EIF4G3: variants seen among roughly 807,000 people sequenced by gnomAD.
EIF4G3 encodes the protein eIF-4-gamma 3.
EIF4G3 carries 34 observed loss-of-function variants against 186.4 expected under a neutral mutation model. That is an observed-to-expected ratio of 0.18 (90% CI 0.14 to 0.24). The LOEUF is 0.24. Among genes scored for constraint, EIF4G3 ranks in the 10% least tolerant of loss-of-function variants. The pLI, the probability that EIF4G3 is intolerant of heterozygous loss-of-function variation, is 1.00. For synonymous variants in EIF4G3, 673 were observed against 679.5 expected, an observed-to-expected ratio of 0.99 and a Z score of 0.15; for missense variants, 1,536 against 1,948.5, an observed-to-expected ratio of 0.79 and a Z score of 3.99.
At chr1:21,067,722 T>C (rs1036899815) in intron 3 of EIF4G3, among the ~76,000 whole-genome samples, 2 of 152,084 alleles carry the variant, frequency 1.3e-5, no homozygotes, top group Non-Finnish European at 2.9e-5. Context: ...TATTTCCAAA[T>C]CCTAGGAATC....
intron 28 of EIF4G3, among the ~76,000 whole-genome samples, chr1:20,849,880 C>T (rs2072696788): frequency 6.6e-6 from 1 of 152,150 alleles, no homozygotes. Context: ...TAAGCTTGAG[C>T]CACACTGATC....
At chr1:21,130,216 C>CTTTTTTTTTT (rs71014159) in intron 2 of EIF4G3, among the ~76,000 whole-genome samples, 1 of 75,346 alleles carries the variant, frequency 1.3e-5, no homozygotes, top group African/African-American at 5.3e-5. Context: ...GACCCCATCT[C>CTTTTTTTTTT]TTTTTTTTTT....
chr1:21,102,727 T>C (rs1389926193), intron 2 of EIF4G3, among the ~76,000 whole-genome samples: 2 of 152,224 alleles, frequency 1.3e-5, no homozygotes, highest in African/African-American at 4.8e-5. Context: ...GTATTCTTTA[T>C]AGTCATCAAT....
intron 3 of EIF4G3, among the ~76,000 whole-genome samples, chr1:21,078,613 C>A (rs2095661664): frequency 6.6e-6 from 1 of 152,218 alleles, no homozygotes; most frequent in African/African-American, 2.4e-5. Flanking sequence ...ATGTTTCTAA[C>A]ACAAAAGATA....
At chr1:20,891,339 G>A (rs904622300) in intron 18 of EIF4G3, among the ~76,000 whole-genome samples, 1 of 151,990 alleles carries the variant, frequency 6.6e-6, no homozygotes, top group African/African-American at 2.4e-5. Flanking sequence ...AACCACAGAT[G>A]CTATTATCCA....
chr1:20,839,831 A>G (rs1436014221), intron 30 of EIF4G3, among the ~76,000 whole-genome samples: 1 of 148,756 alleles, frequency 6.7e-6, no homozygotes, highest in Non-Finnish European at 1.5e-5. Context: ...AAGGATTGCC[A>G]TATGTGAAAT....
At chr1:20,922,058 A>G (rs2094523352) in intron 14 of EIF4G3, among the ~76,000 whole-genome samples, 1 of 152,220 alleles carries the variant, frequency 6.6e-6, no homozygotes, top group Non-Finnish European at 1.5e-5. Context: ...TGTCTGATAC[A>G]AACTCTTTTT....
At chr1:20,984,818 G>T (rs1455975113) in intron 7 of EIF4G3, among the ~76,000 whole-genome samples, 2 of 151,958 alleles carry the variant, frequency 1.3e-5, no homozygotes, top group Non-Finnish European at 2.9e-5. Context: ...TCAATCTCCT[G>T]ACCTCGTGAT....
intron 7 of EIF4G3, among the ~76,000 whole-genome samples, chr1:20,995,890 G>T (rs1481543803): frequency 1.3e-5 from 2 of 152,070 alleles, no homozygotes; most frequent in Non-Finnish European, 2.9e-5. Context: ...TTACATAAAG[G>T]AGATCAGAAA....
intron 12 of EIF4G3, among the ~76,000 whole-genome samples, chr1:20,957,437 G>A (rs777287433): frequency 2.7e-5 from 4 of 149,350 alleles, no homozygotes; most frequent in Non-Finnish European, 4.4e-5. Flanking sequence ...CAAAAAGTCT[G>A]AAAGAGTGCA....
At chr1:20,999,027 C>T (rs2082917810) in intron 6 of EIF4G3, among the ~76,000 whole-genome samples, 1 of 152,136 alleles carries the variant, frequency 6.6e-6, no homozygotes, top group Non-Finnish European at 1.5e-5. Flanking sequence ...GAATTACTTC[C>T]CCAACTACCA....
At chr1:21,127,068 G>A (rs979780895) in intron 2 of EIF4G3, among the ~76,000 whole-genome samples, 6 of 151,970 alleles carry the variant, frequency 3.9e-5, no homozygotes, top group Admixed American at 1.3e-4. Flanking sequence ...CCACAGCTTC[G>A]ACCTCTCAGG....
chr1:20,952,396 C>A (rs1354505538), intron 12 of EIF4G3, among the ~76,000 whole-genome samples: 1 of 152,024 alleles, frequency 6.6e-6, no homozygotes. Context: ...CCTTGTGATC[C>A]GCCTACCTTG....
At chr1:20,917,947 G>A (rs570007324) in intron 14 of EIF4G3, among the ~76,000 whole-genome samples, 12 of 152,162 alleles carry the variant, frequency 7.9e-5, no homozygotes, top group Admixed American at 3.9e-4. Flanking sequence ...TTATTTTTCC[G>A]TTTACAAAGG....
intron 14 of EIF4G3, among the ~76,000 whole-genome samples, chr1:20,933,375 G>A (rs1225672998): frequency 1.3e-5 from 2 of 152,112 alleles, no homozygotes; most frequent in Non-Finnish European, 2.9e-5. Context: ...CCAGGGCACC[G>A]GCCAGGCGTG....
chr1:20,964,425 T>C (rs552213960), intron 12 of EIF4G3, among the ~76,000 whole-genome samples: 6 of 152,210 alleles, frequency 3.9e-5, no homozygotes, highest in South Asian at 2.1e-4. Flanking sequence ...TATACACATA[T>C]GCATATTTCC....
intron 33 of EIF4G3, among the ~76,000 whole-genome samples, chr1:20,820,459 G>C (rs2062056166): frequency 6.6e-6 from 1 of 152,172 alleles, no homozygotes; most frequent in Admixed American, 6.5e-5. Flanking sequence ...GTGGGGTTGG[G>C]ACCAAGCCCC....
At chr1:20,858,974 C>T (rs777398861) in intron 24 of EIF4G3, among the ~76,000 whole-genome samples, 1 of 152,146 alleles carries the variant, frequency 6.6e-6, no homozygotes, top group Non-Finnish European at 1.5e-5. Flanking sequence ...CCAGCCTGGG[C>T]GACAGAGCGA....
In EIF4G3 at chr1:20,853,566, A is replaced by G. The variant is rs759837872; in HGVS notation, c.3545T>C (p.Leu1182Ser). The G allele has an allele frequency of 4.3e-6, 7 of 1,610,156 alleles. No homozygotes were observed. The Admixed American group carries it at 1.2e-4, about 27-fold the overall frequency. ...TAAAAAGCAGGGTTCTCACCTAGTT[A>G]AGGTCCTTCGGGAATCAAACTCTAC... ...TPVEFDSRRT[L>S]TSRGSMGREK... is the part of the protein sequence containing the mutation. Residue 1182 changes from leucine (L) to serine (S), a missense_variant, in exon 27 of 37, where the codon TTA becomes TCA. Physicochemically the swap from Leu to Ser is moderately radical, Grantham distance 145. This residue lies in a region of EIF4G3 where 395 missense variants were observed against 498.9 expected (regional missense o/e 0.79). Transcript: ENST00000602326.
Sources: allele counts gnomAD v4.1 joint callset (sites outside exome capture counted in the v4.1 genomes callset), GRCh38; gene constraint gnomAD v4.1.1; regional missense constraint gnomAD v4.1.1; transcripts MANE v1.5; gene names NCBI Gene and HGNC (gene_info 2026-07-23, HGNC 2026-07-21).